The following CFAP107 variants were observed in gnomAD, a reference collection of about 807,000 sequenced individuals.
The protein encoded by CFAP107 is cilia- and flagella-associated protein 107.
the CFAP107 span, chr1:12,746,502 G>GA: frequency 6.2e-7 from 1 of 1,613,562 alleles, no homozygotes; most frequent in Non-Finnish European, 8.5e-7. Flanking sequence ...AGTATTCAAC[G>GA]AAAGTGCTCA....
chr1:12,749,692 G>A, the CFAP107 span, among the ~76,000 whole-genome samples: 1 of 152,132 alleles, frequency 6.6e-6, no homozygotes, highest in Non-Finnish European at 1.5e-5. Context: ...AAGGCAGTGG[G>A]ATAATACATT....
the CFAP107 span, chr1:12,746,552 G>A: frequency 5.0e-6 from 8 of 1,593,224 alleles, no homozygotes; most frequent in South Asian, 6.6e-5. Context: ...GTAAGGAAAC[G>A]AGAGAGGTTG....
At chr1:12,760,175 A>G in the CFAP107 span, among the ~76,000 whole-genome samples, 1 of 152,174 alleles carries the variant, frequency 6.6e-6, no homozygotes, top group Non-Finnish European at 1.5e-5. Flanking sequence ...GAGGAGGATC[A>G]TGTAGGGGTT....
the CFAP107 span, among the ~76,000 whole-genome samples, chr1:12,760,401 C>A: frequency 6.6e-6 from 1 of 152,198 alleles, no homozygotes; most frequent in Non-Finnish European, 1.5e-5. Flanking sequence ...ATTACTTTTG[C>A]ATGGGATTCT....
the CFAP107 span, among the ~76,000 whole-genome samples, chr1:12,748,714 GA>G: frequency 6.6e-6 from 1 of 151,946 alleles, no homozygotes; most frequent in Non-Finnish European, 1.5e-5. Context: ...CCATCCAAAG[GA>G]AGAAAATAAA....
chr1:12,755,131 G>A, the CFAP107 span, among the ~76,000 whole-genome samples: 1 of 152,230 alleles, frequency 6.6e-6, no homozygotes, highest in African/African-American at 2.4e-5. Context: ...GGAGGGCCGG[G>A]CACAGTGGCT....
At chr1:12,750,927 A>G in the CFAP107 span, among the ~76,000 whole-genome samples, 3 of 152,184 alleles carry the variant, frequency 2.0e-5, no homozygotes, top group East Asian at 5.8e-4. Flanking sequence ...ATAAATTATA[A>G]AGATTAAAAT....
chr1:12,758,725 G>A, the CFAP107 span, among the ~76,000 whole-genome samples: 10 of 152,318 alleles, frequency 6.6e-5, no homozygotes, highest in Non-Finnish European at 8.8e-5. Context: ...ACATCCCAGA[G>A]TAAGGAGAAC....
chr1:12,752,000 A>G, the CFAP107 span, among the ~76,000 whole-genome samples: 2 of 152,196 alleles, frequency 1.3e-5, 1 homozygote, highest in South Asian at 4.1e-4. Flanking sequence ...CCTAAGACCA[A>G]ATGACTTCAG....
chr1:12,751,499 T>C, the CFAP107 span, among the ~76,000 whole-genome samples: 1 of 152,094 alleles, frequency 6.6e-6, no homozygotes, highest in Non-Finnish European at 1.5e-5. Flanking sequence ...TCGTGGTGCA[T>C]GCCTGTAATT....
the CFAP107 span, among the ~76,000 whole-genome samples, chr1:12,748,099 A>G: frequency 6.6e-6 from 1 of 152,192 alleles, no homozygotes; most frequent in Non-Finnish European, 1.5e-5. Context: ...ACAGCACAGC[A>G]TAGTCTGCAT....
At chr1:12,760,697 C>CGTGGCCA in the CFAP107 span, 1 of 1,467,980 alleles carries the variant, frequency 6.8e-7, no homozygotes, top group Non-Finnish European at 9.3e-7. Flanking sequence ...TGCCCAGTCT[C>CGTGGCCA]GTGGCCATTG....
the CFAP107 span, chr1:12,753,369 A>G: frequency 1.3e-5 from 2 of 151,890 alleles, no homozygotes; most frequent in African/African-American, 4.8e-5. Flanking sequence ...CATAAAATCC[A>G]TCCTAAAATT....
At chr1:12,748,975 G>A in the CFAP107 span, among the ~76,000 whole-genome samples, 2 of 152,108 alleles carry the variant, frequency 1.3e-5, no homozygotes, top group Non-Finnish European at 2.9e-5. Flanking sequence ...GAATAGGCAG[G>A]AGAAAGAATC....
At chr1:12,750,451 T>C in the CFAP107 span, among the ~76,000 whole-genome samples, 1 of 152,206 alleles carries the variant, frequency 6.6e-6, no homozygotes, top group Non-Finnish European at 1.5e-5. Context: ...GAGAGATTTA[T>C]AAAACAGGAT....
the CFAP107 span, chr1:12,761,898 G>C: frequency 6.6e-6 from 1 of 152,366 alleles, no homozygotes; most frequent in Admixed American, 6.5e-5. Context: ...ATTTGGGAGA[G>C]AGGGTGGATC....
chr1:12,747,721 C>T, the CFAP107 span, among the ~76,000 whole-genome samples: 1 of 152,152 alleles, frequency 6.6e-6, no homozygotes. Context: ...ATGTACTTGG[C>T]CTTGTTTGGT....
At chr1:12,760,730 C>T in the CFAP107 span, 1 of 1,587,938 alleles carries the variant, frequency 6.3e-7, no homozygotes, top group Non-Finnish European at 8.6e-7. Context: ...AAGACTCCTT[C>T]TGTAAGCCCC....
chr1:12,758,304 A>G, the CFAP107 span, among the ~76,000 whole-genome samples: 2 of 152,178 alleles, frequency 1.3e-5, no homozygotes, highest in African/African-American at 4.8e-5. Context: ...GACACACCCC[A>G]AATCAAGAGA....
Sources: gnomAD v4.1 joint callset for allele counts (sites outside exome capture counted in the v4.1 genomes callset) on GRCh38, gnomAD v4.1.1 for gene constraint, MANE v1.5 for transcripts, NCBI Gene and HGNC (gene_info 2026-07-23, HGNC 2026-07-21) for gene names.